CRB2: variants seen among roughly 807,000 people sequenced by gnomAD.
CRB2 encodes protein crumbs homolog 2.
Under a neutral mutation model 110.9 loss-of-function variants are expected in CRB2, and 85 were observed. The observed-to-expected ratio is 0.77, with a 90% CI of 0.64 to 0.92. CRB2 has a LOEUF of 0.92. Ranked by LOEUF, CRB2 falls within the 40% of genes least tolerant of loss-of-function variation. The pLI, the probability that CRB2 is intolerant of heterozygous loss-of-function variation, is 0.00. For missense variants in CRB2, 1,843 were observed against 1,851.3 expected, an observed-to-expected ratio of 1.00 and a Z score of 0.08; for synonymous variants, 907 against 831.0, an observed-to-expected ratio of 1.09 and a Z score of -1.57.
intron 1 of CRB2, among the ~76,000 whole-genome samples, chr9:123,359,788 A>G (rs918281022): frequency 1.3e-5 from 2 of 151,986 alleles, no homozygotes; most frequent in African/African-American, 4.8e-5. Context: ...GCTGTTATAA[A>G]CAGGCCCATT....
rs1324430269 is a variant in CRB2 at position 123,377,180 on chromosome 9, GCC to G, written c.*119_*120del. 2.4e-6 allele frequency: 2 copies of G among 825,428 alleles called. No homozygotes were observed. The highest frequency in any genetic ancestry group is 3.5e-5 in the African/African-American group (2 of 57,894). The allele number at this position is 825,428 out of a possible 1,614,324, so 51.1% of individuals were successfully genotyped here. A position where few individuals can be genotyped will look rare whatever the true frequency, so the allele number is the denominator to read the frequency against. On this transcript the variant is annotated 3_prime_UTR_variant, in exon 13 of 13. Coordinates refer to ENST00000373631, the MANE Select transcript of CRB2 (RefSeq NM_173689.7). Reference sequence around the variant, plus strand: ...TACGGAAGTGTCCCCTTGGCTGGCAGCCTCTGCCTCTGCCTCTGCCCCATCCT... The same window carrying G: ...TACGGAAGTGTCCCCTTGGCTGGCAGTCTGCCTCTGCCTCTGCCCCATCCT...
At chr9:123,363,927 G>A (rs572559169) in intron 2 of CRB2, among the ~76,000 whole-genome samples, 100 of 152,324 alleles carry the variant, frequency 6.6e-4, no homozygotes, top group African/African-American at 2.0e-3. Context: ...GCGCAGTCTG[G>A]GAGCGAAGCT....
At position 123,371,432 on chromosome 9, in the gene CRB2, C is replaced by G; in HGVS notation, c.2290C>G (p.Arg764Gly). The change falls in exon 8 of 13, where the codon CGA becomes GGA. Residue 764 changes from arginine to glycine, a missense_variant. By Grantham distance (125) the Arg-to-Gly change is moderately radical. Coordinates refer to ENST00000373631, the MANE Select transcript of CRB2 (RefSeq NM_173689.7). ...CAGCCAGCCCTGGGGTGGGCCCTTC[C>G]GAGGCTGCCTCCAGGACCTGCGACT... ...ADSQPWGGPF[R>G]GCLQDLRLDG... The G allele has an allele frequency of 6.2e-7, 1 of 1,611,870 alleles. No homozygotes were observed. Among genetic ancestry groups the G allele is most frequent in the Non-Finnish European group, 8.5e-7 (1 of 1,179,526 alleles).
chr9:123,354,143 C>T (rs553310077), upstream of CRB2, among the ~76,000 whole-genome samples: 4 of 152,366 alleles, frequency 2.6e-5, no homozygotes, highest in East Asian at 5.8e-4. Context: ...CCCTGGCTTC[C>T]TCCCCGTCAC....
rs2042118776 is a variant in CRB2 at position 123,377,349 on chromosome 9, A to G, written c.*287A>G. 1 of 408,716 alleles carries G rather than the reference A, an allele frequency of 2.4e-6. No individual in the cohort carries two copies. Among genetic ancestry groups the G allele is most frequent in the Non-Finnish European group, 4.4e-6 (1 of 227,448 alleles). 25.3% of individuals were successfully genotyped at this position (408,716 alleles called of 1,614,324 possible). A position where few individuals can be genotyped will look rare whatever the true frequency, so the allele number is the denominator to read the frequency against. On this transcript the variant is annotated 3_prime_UTR_variant, in exon 13 of 13. Coordinates refer to ENST00000373631, the MANE Select transcript of CRB2 (RefSeq NM_173689.7). ...CACGTGGGTTCACAGTGTGTTCAGG[A>G]GTGTGTGTATCTGGAGGAGTGTGTG...
rs969748279 is a variant in CRB2, at chr9:123,359,451, T to C, written c.94+3097T>C. On this transcript the variant is annotated intron_variant, in intron 1 of 12. Transcript: ENST00000373631. ...TTTCGTTTTTGTTTTGTTTTTTTTT[T>C]TTTTTTTTTTTTTTTAAGAAAGGGT... 2.4e-4 allele frequency among the ~76,000 whole-genome samples: 32 copies of C among 134,360 alleles called. 2 individuals carry two copies. The highest frequency in any genetic ancestry group is 4.3e-4 in the Non-Finnish European group (28 of 64,680). The allele number at this position is 134,360 out of a possible 152,430, so 88.1% of individuals were successfully genotyped here. A position where few individuals can be genotyped will look rare whatever the true frequency, so the allele number is the denominator to read the frequency against.
intron 6 of CRB2, among the ~76,000 whole-genome samples, chr9:123,369,174 A>G (rs569672636): frequency 6.6e-6 from 1 of 152,044 alleles, no homozygotes; most frequent in Admixed American, 6.5e-5. Flanking sequence ...AGGGAGGATG[A>G]GGCAGCCCCT....
At position 123,372,626 on chromosome 9, in the gene CRB2, A is replaced by AG. The variant is rs553587782; in HGVS notation, c.2602+289dup. Among the ~76,000 whole-genome samples the AG allele has an allele frequency of 5.3e-5, 8 of 152,302 alleles. No individual in the cohort carries two copies. The South Asian group carries it at 1.7e-3, about 32-fold the overall frequency. ...GGTCTGCAAGGACAGTGGAAGTGCAAGGGGGTGAGCAGGAATGGGGTGGGA... is the reference window on the plus strand; with the variant it reads ...GGTCTGCAAGGACAGTGGAAGTGCAAGGGGGGTGAGCAGGAATGGGGTGGGA... On this transcript the variant is annotated intron_variant, in intron 9 of 12. Coordinates refer to ENST00000373631, the MANE Select transcript of CRB2 (RefSeq NM_173689.7).
At chr9:123,368,371 T>G (rs560931331) in intron 6 of CRB2, among the ~76,000 whole-genome samples, 79 of 135,892 alleles carry the variant, frequency 5.8e-4, no homozygotes, top group African/African-American at 2.3e-3. Flanking sequence ...CTGACACTCC[T>G]GGGGGTCCCG....
chr9:123,367,323 G>A lies in CRB2; in HGVS notation c.906G>A (p.Ala302=), dbSNP rs375468515. 216 of 1,604,276 alleles carry A rather than the reference G, an allele frequency of 1.3e-4. No individual in the cohort carries two copies. The highest frequency in any genetic ancestry group is 1.7e-4 in the Middle Eastern group (1 of 5,914). ...FPGAFSFRHA[A]GFLCHCPPGF... ...GCGCCTTCAGCTTCCGCCATGCTGCGGGTTTCCTGTGCCACTGCCCTCCTG... is the reference window on the plus strand; with the variant it reads ...GCGCCTTCAGCTTCCGCCATGCTGCAGGTTTCCTGTGCCACTGCCCTCCTG... Residue 302 remains alanine (A), a synonymous_variant, in exon 5 of 13, where the codon GCG becomes GCA. Coordinates refer to ENST00000373631, the MANE Select transcript of CRB2 (RefSeq NM_173689.7).
chr9:123,364,752 C>A (rs1588207669), intron 2 of CRB2, among the ~76,000 whole-genome samples: 3 of 152,332 alleles, frequency 2.0e-5, no homozygotes, highest in Non-Finnish European at 4.4e-5. Flanking sequence ...GGCAGCGTAT[C>A]TGAAACCCTG....
At chr9:123,376,425 C>G (rs1426410395) in intron 12 of CRB2, among the ~76,000 whole-genome samples, 1 of 152,092 alleles carries the variant, frequency 6.6e-6, no homozygotes, top group Admixed American at 6.5e-5. Context: ...CCCTCGGCCC[C>G]CCTGCCACCC....
intron 6 of CRB2, 152 bp downstream of exon 6, chr9:123,367,838 C>T: frequency 1.6e-6 from 1 of 626,794 alleles, no homozygotes; most frequent in Non-Finnish European, 2.9e-6. Flanking sequence ...GGTGGCTGAA[C>T]TGGGACTCGC....
In CRB2 at chr9:123,362,696, T is replaced by C. The variant is rs56366974; in HGVS notation, c.95-169T>C. On this transcript the variant is annotated intron_variant, in intron 1 of 12. Transcript: ENST00000373631. ...AACCGTTCCCAGTTCTGGGTGCAGATGTGTGCAGCTTACTGGGACCTGGCT... is the reference window on the plus strand; with the variant it reads ...AACCGTTCCCAGTTCTGGGTGCAGACGTGTGCAGCTTACTGGGACCTGGCT... Among the ~76,000 whole-genome samples, 49,867 of 151,846 alleles carry C rather than the reference T, an allele frequency of 0.33. 8,578 individuals are homozygous for C. Among genetic ancestry groups the C allele is most frequent in the Non-Finnish European group, 0.38 (25,986 of 67,888 alleles).
At position 123,373,449 on chromosome 9, in the gene CRB2, G is replaced by A. The variant is rs1329348894; in HGVS notation, c.2918G>A (p.Trp973Ter). 1.4e-6 allele frequency: 2 copies of A among 1,452,168 alleles called. No individual in the cohort carries two copies. Among genetic ancestry groups the A allele is most frequent in the South Asian group, 1.3e-5 (1 of 74,792 alleles). The allele number at this position is 1,452,168 out of a possible 1,614,324, so 90.0% of individuals were successfully genotyped here. ...CGCCCGGCGGCCACCACCTCGCGCT[G>A]GCTGCTGTGGCTGGATGGTGCCGCC... ...MERPAATTSR[W>*]LLWLDGAATP... Residue 973 changes from tryptophan (W) to a stop codon, truncating the protein, a stop_gained, in exon 10 of 13, where the codon TGG (tryptophan) becomes TAG (stop). Transcript: ENST00000373631. LOFTEE classifies it high-confidence loss of function.
At chr9:123,357,070 C>A (rs1408233761) in intron 1 of CRB2, among the ~76,000 whole-genome samples, 1 of 152,102 alleles carries the variant, frequency 6.6e-6, no homozygotes, top group Non-Finnish European at 1.5e-5. Flanking sequence ...GTGCTGAGGG[C>A]TGCTGGGGAT....
chr9:123,357,734 A>C (rs2041816784), intron 1 of CRB2, among the ~76,000 whole-genome samples: 1 of 152,194 alleles, frequency 6.6e-6, no homozygotes, highest in South Asian at 2.1e-4. Flanking sequence ...TCACACACCC[A>C]CACTCCGCAC....
chr9:123,375,236 C>A lies in CRB2; in HGVS notation c.3526C>A (p.Pro1176Thr), dbSNP rs1263672542. The A allele has an allele frequency of 6.2e-7, 1 of 1,612,666 alleles. No homozygotes were observed. Among genetic ancestry groups the A allele is most frequent in the Non-Finnish European group, 8.5e-7 (1 of 1,179,416 alleles). Residue 1176 changes from proline (P) to threonine (T), a missense_variant, in exon 12 of 13, where the codon CCC (proline) becomes ACC (threonine). By Grantham distance (38) the Pro-to-Thr change is conservative (BLOSUM62 -1). Transcript: ENST00000373631. ...AGQRCQVPTLPCEANPCLNGG... is the reference protein window; with the variant it reads ...AGQRCQVPTLTCEANPCLNGG... ...CTCCAGGTGTCAGGTCCCCACTCTC[C>A]CCTGTGAAGCCAACCCCTGCTTGAA...
downstream of CRB2, chr9:123,380,004 G>A (rs1421877966): frequency 6.6e-6 from 1 of 152,266 alleles, no homozygotes; most frequent in Admixed American, 6.5e-5. Context: ...CCCAGGAAGA[G>A]CCATGTGCCA....
Sources: gnomAD v4.1 joint callset for allele counts (sites outside exome capture counted in the v4.1 genomes callset) on GRCh38, gnomAD v4.1.1 for gene constraint, MANE v1.5 for transcripts, NCBI Gene and HGNC (gene_info 2026-07-23, HGNC 2026-07-21) for gene names.